PAK2: variants seen among roughly 807,000 people sequenced by gnomAD.
The protein encoded by PAK2 is serine/threonine-protein kinase PAK 2.
PAK2 carries 21 observed loss-of-function variants against 65.9 expected under a neutral mutation model. The ratio of observed to expected loss-of-function variants is 0.32; its 90% CI spans 0.23 to 0.46. PAK2 has a LOEUF of 0.46. Ranked by LOEUF, PAK2 falls within the 20% of genes least tolerant of loss-of-function variation. The probability of loss-of-function intolerance (pLI) is 1.00; values close to 1 mark genes in which losing one functional copy is unlikely to be tolerated. For missense variants in PAK2, 324 were observed against 642.6 expected (o/e 0.50, Z 5.36); for synonymous variants, 204 against 219.7 (o/e 0.93, Z 0.63).
intron 1 of PAK2, among the ~76,000 whole-genome samples, chr3:196,756,851 AAAC>A (rs1327023113): frequency 1.3e-5 from 2 of 152,190 alleles, no homozygotes; most frequent in Admixed American, 1.3e-4. Context: ...AGAAAGAAAG[AAAC>A]AAAATGCTTA....
intron 2 of PAK2, among the ~76,000 whole-genome samples, chr3:196,793,257 G>A (rs1048503315): frequency 1.3e-5 from 2 of 152,110 alleles, no homozygotes; most frequent in Non-Finnish European, 2.9e-5. Flanking sequence ...TTCTTATCAG[G>A]GGAGTCAGGA....
In PAK2 at chr3:196,812,819, GA is replaced by G; in HGVS notation, c.908del (p.Asn303IlefsTer13). 1.3e-6 allele frequency: 2 copies of G among 1,547,838 alleles called. No individual in the cohort carries two copies. The highest frequency in any genetic ancestry group is 1.8e-6 in the Non-Finnish European group (2 of 1,120,520). On this transcript the variant is annotated frameshift_variant, in exon 10 of 15. Transcript: ENST00000327134. LOFTEE classifies it high-confidence loss of function. ...INEILVMKELKNPNIVNFLDS... is the reference protein window; with the variant it reads ...INEILVMKELXNPNIVNFLDS... ...ACGAGATTCTGGTGATGAAAGAATT[GA>G]AAAATCCCAACATCGTTAACTTTTT... is the stretch of plus-strand genomic sequence containing the variant.
intron 1 of PAK2, among the ~76,000 whole-genome samples, chr3:196,766,394 T>C (rs1714170236): frequency 6.6e-6 from 1 of 152,142 alleles, no homozygotes; most frequent in Admixed American, 6.5e-5. Flanking sequence ...ATACAAAAAG[T>C]TACCATTATA....
chr3:196,822,018 C>T (rs187821061), intron 13 of PAK2, among the ~76,000 whole-genome samples: 4 of 152,198 alleles, frequency 2.6e-5, no homozygotes, highest in East Asian at 3.9e-4. Context: ...TGAAAGAAGC[C>T]GAACAACAGA....
In PAK2 at chr3:196,831,197, T is replaced by A. The variant is rs1712072347; in HGVS notation, c.*2792T>A. 1 of 152,206 alleles carries A rather than the reference T, an allele frequency of 6.6e-6. No homozygotes were observed. The highest frequency in any genetic ancestry group is 1.5e-5 in the Non-Finnish European group (1 of 68,042). 9.4% of individuals were successfully genotyped at this position (152,206 alleles called of 1,614,324 possible). On this transcript the variant is annotated 3_prime_UTR_variant, in exon 15 of 15. Transcript: ENST00000327134. ...GCCACTGCACCTGGCCTCATGTTTT[T>A]TAAATAATTGCCTTTTATATTTACC... is the stretch of plus-strand genomic sequence containing the variant.
intron 1 of PAK2, among the ~76,000 whole-genome samples, chr3:196,763,434 C>T (rs1007338402): frequency 6.6e-6 from 1 of 152,060 alleles, no homozygotes; most frequent in Non-Finnish European, 1.5e-5. Context: ...CGCCCTATAT[C>T]GACAAAGCTT....
intron 13 of PAK2, among the ~76,000 whole-genome samples, chr3:196,824,879 G>A (rs77028391): frequency 0.016 from 2,493 of 151,692 alleles, 157 homozygotes; most frequent in Admixed American, 0.12. Flanking sequence ...TAAACTGAGG[G>A]CTTTAATTTA....
intron 13 of PAK2, among the ~76,000 whole-genome samples, chr3:196,825,667 TA>T (rs1483580721): frequency 6.6e-6 from 1 of 151,810 alleles, no homozygotes. Flanking sequence ...AATAAATAAA[TA>T]AATAAAATTC....
At chr3:196,765,693 G>C (rs867693175) in intron 1 of PAK2, among the ~76,000 whole-genome samples, 1 of 152,122 alleles carries the variant, frequency 6.6e-6, no homozygotes, top group Non-Finnish European at 1.5e-5. Flanking sequence ...GATAATACAG[G>C]TATTACTCCA....
chr3:196,768,735 G>A (rs891817429), intron 1 of PAK2, among the ~76,000 whole-genome samples: 5 of 151,670 alleles, frequency 3.3e-5, no homozygotes, highest in African/African-American at 9.7e-5. Context: ...GTGAAATCTC[G>A]GCTCACTGCA....
At chr3:196,753,329 T>C (rs995013027) in intron 1 of PAK2, among the ~76,000 whole-genome samples, 4 of 152,012 alleles carry the variant, frequency 2.6e-5, no homozygotes, top group African/African-American at 9.7e-5. Context: ...CAACCTCAGC[T>C]TGCTGCAGTC....
In PAK2 at chr3:196,790,843, C is replaced by A. The variant is rs139141026; in HGVS notation, c.187+8010C>A. Among the ~76,000 whole-genome samples, 288 of 152,318 alleles carry A rather than the reference C, an allele frequency of 1.9e-3. 1 individual carries two copies. Among genetic ancestry groups the A allele is most frequent in the African/African-American group, 6.4e-3 (267 of 41,576 alleles). On this transcript the variant is annotated intron_variant, in intron 2 of 14. Transcript: ENST00000327134. Reference sequence around the variant, plus strand: ...TGGGTAATTCACCTGGTCGCCCCCACCCTGGAGAGGGCCATCTTGCCCACC... The same window carrying A: ...TGGGTAATTCACCTGGTCGCCCCCAACCTGGAGAGGGCCATCTTGCCCACC...
At chr3:196,748,214 A>C (rs1713455096) in intron 1 of PAK2, among the ~76,000 whole-genome samples, 1 of 152,158 alleles carries the variant, frequency 6.6e-6, no homozygotes, top group Non-Finnish European at 1.5e-5. Context: ...ACTGAGCCTA[A>C]GGTACAGAGT....
At chr3:196,745,119 CT>C (rs34651855) in intron 1 of PAK2, among the ~76,000 whole-genome samples, 71,465 of 135,354 alleles carry the variant, frequency 0.53, 18,349 homozygotes, top group Non-Finnish European at 0.62. Context: ...GTGTTTCAAT[CT>C]TTTTTTTTTT....
chr3:196,742,621 CT>C (rs919586988), intron 1 of PAK2, among the ~76,000 whole-genome samples: 3 of 152,128 alleles, frequency 2.0e-5, no homozygotes, highest in Non-Finnish European at 2.9e-5. Context: ...AAATTTGAAA[CT>C]GGGTCTTCTT....
intron 1 of PAK2, among the ~76,000 whole-genome samples, chr3:196,777,548 A>T (rs371735745): frequency 1.3e-5 from 2 of 152,210 alleles, no homozygotes; most frequent in East Asian, 3.8e-4. Context: ...ATATAAACAT[A>T]ACCCTCATCA....
intron 1 of PAK2, among the ~76,000 whole-genome samples, chr3:196,769,896 A>G (rs1288776050): frequency 6.6e-6 from 1 of 152,082 alleles, no homozygotes; most frequent in East Asian, 1.9e-4. Context: ...CCCCGTCTCT[A>G]ATGACCTTTA....
intron 1 of PAK2, among the ~76,000 whole-genome samples, chr3:196,779,999 A>G (rs1422225832): frequency 6.6e-6 from 1 of 152,250 alleles, no homozygotes; most frequent in Non-Finnish European, 1.5e-5. Flanking sequence ...TTCTGTCTGT[A>G]GCAAGACAGG....
chr3:196,766,003 G>A (rs1201719522), intron 1 of PAK2, among the ~76,000 whole-genome samples: 5 of 151,424 alleles, frequency 3.3e-5, no homozygotes, highest in African/African-American at 4.9e-5. Context: ...GGGGTCAAGC[G>A]ATTCTACCTC....
Sources: allele counts gnomAD v4.1 joint callset (sites outside exome capture counted in the v4.1 genomes callset), GRCh38; gene constraint gnomAD v4.1.1; transcripts MANE v1.5; gene names NCBI Gene and HGNC (gene_info 2026-07-23, HGNC 2026-07-21).